The following GNPAT variants were observed in gnomAD, a reference collection of about 807,000 sequenced individuals.
GNPAT encodes the protein dihydroxyacetone phosphate acyltransferase.
Under a neutral mutation model 78.4 loss-of-function variants are expected in GNPAT, and 30 were observed. The observed-to-expected ratio is 0.38, with a 90% CI of 0.29 to 0.52. GNPAT has a LOEUF of 0.52. Ranked by LOEUF, GNPAT falls within the 20% of genes least tolerant of loss-of-function variation. The probability of loss-of-function intolerance (pLI) is 0.84; values close to 1 mark genes in which losing one functional copy is unlikely to be tolerated. For synonymous variants in GNPAT, 271 were observed against 281.1 expected, an observed-to-expected ratio of 0.96 and a Z score of 0.36; for missense variants, 714 against 812.2, an observed-to-expected ratio of 0.88 and a Z score of 1.47.
chr1:231,260,700 A>T lies in GNPAT; in HGVS notation c.438+17A>T, dbSNP rs773687099. ...ATTCAGAAAGTGAGTATTGATTATT[A>T]AAAAAATAAAGAAATAAAAGTCTCA... On this transcript the variant is annotated intron_variant, in intron 3 of 15. Transcript: ENST00000366647. 4.8e-6 allele frequency: 7 copies of T among 1,468,740 alleles called. No individual in the cohort carries two copies. The highest frequency in any genetic ancestry group is 1.7e-5 in the Admixed American group (1 of 59,134). The allele number at this position is 1,468,740 out of a possible 1,614,324, so 91.0% of individuals were successfully genotyped here.
intron 1 of GNPAT, 106 bp downstream of exon 1, chr1:231,241,562 C>A: frequency 2.4e-6 from 2 of 832,614 alleles, no homozygotes; most frequent in Non-Finnish European, 4.1e-6. Context: ...AAAGAGCTGG[C>A]CCCTAGGCTC....
intron 12 of GNPAT, 108 bp downstream of exon 12, chr1:231,274,170 A>G: frequency 1.0e-6 from 1 of 956,306 alleles, no homozygotes. Context: ...TTCCCCAGGC[A>G]AATGGAAGAA....
intron 2 of GNPAT, chr1:231,258,320 C>G (rs1041454417): frequency 6.6e-6 from 1 of 152,260 alleles, no homozygotes; most frequent in Non-Finnish European, 1.5e-5. Context: ...GTGAGTTATA[C>G]AGATCCACAT....
At chr1:231,242,993 G>C (rs1478397024) in intron 1 of GNPAT, among the ~76,000 whole-genome samples, 1 of 152,202 alleles carries the variant, frequency 6.6e-6, no homozygotes, top group Non-Finnish European at 1.5e-5. Flanking sequence ...CAGCTACGCT[G>C]TTATTGTGTA....
Position 231,250,978 on chromosome 1 carries a change from G to T in GNPAT, c.96G>T (p.Trp32Cys). The change falls in exon 2 of 16, where the codon TGG becomes TGT. Residue 32 changes from tryptophan to cysteine, a missense_variant. Transcript: ENST00000366647. ...ATCCACAGAAGGAGCTCAAAAAGTG[G>T]GATGAGTTTGAAGATATTTTAGAAG... ...VLLYSKELKKWDEFEDILEER... is the reference protein window; with the variant it reads ...VLLYSKELKKCDEFEDILEER... 1 of 1,610,844 alleles carries T rather than the reference G, an allele frequency of 6.2e-7. No homozygotes were observed. The highest frequency in any genetic ancestry group is 8.5e-7 in the Non-Finnish European group (1 of 1,177,464).
intron 2 of GNPAT, 142 bp downstream of exon 2, chr1:231,251,285 G>C (rs994832995): frequency 1.7e-6 from 1 of 605,876 alleles, no homozygotes; most frequent in Non-Finnish European, 2.9e-6. Flanking sequence ...CTGTATCCGT[G>C]TGTGTTAGCC....
At chr1:231,248,952 C>G (rs1684821299) in intron 1 of GNPAT, among the ~76,000 whole-genome samples, 1 of 152,172 alleles carries the variant, frequency 6.6e-6, no homozygotes, top group African/African-American at 2.4e-5. Context: ...GATGTTTGTA[C>G]AATGATGAAA....
chr1:231,274,717 C>T (rs1190995316), intron 12 of GNPAT, among the ~76,000 whole-genome samples: 1 of 152,180 alleles, frequency 6.6e-6, no homozygotes, highest in Non-Finnish European at 1.5e-5. Flanking sequence ...CCTGGACCCA[C>T]TTCCTGGTGC....
At chr1:231,270,029 A>G (rs1323251333) in intron 9 of GNPAT, 3 of 153,248 alleles carry the variant, frequency 2.0e-5, no homozygotes, top group Non-Finnish European at 2.9e-5. Context: ...TTGAAGCAGT[A>G]GCAGAACTTG....
At chr1:231,276,735 G>A (rs143096194) in intron 15 of GNPAT, among the ~76,000 whole-genome samples, 1,685 of 152,300 alleles carry the variant, frequency 0.011, 22 homozygotes, top group Middle Eastern at 0.054. Context: ...TGACATAAGA[G>A]TCCTTGAGTG....
Position 231,243,426 on chromosome 1 carries a change from C to A in GNPAT, c.78+1970C>A, listed in dbSNP as rs148620277. ...GCAACCTCCATCTCCGGGGCTCAAG[C>A]GATTCTCCTGCCTCAGCCTCCCGAG... On this transcript the variant is annotated intron_variant, in intron 1 of 15. Transcript: ENST00000366647. Among the ~76,000 whole-genome samples the A allele has an allele frequency of 4.2e-3, 639 of 152,100 alleles. 3 individuals carry two copies. Among genetic ancestry groups the A allele is most frequent in the African/African-American group, 0.015 (602 of 41,462 alleles).
intron 9 of GNPAT, chr1:231,269,757 AG>A (rs1341665037): frequency 6.6e-6 from 1 of 152,198 alleles, no homozygotes; most frequent in Non-Finnish European, 1.5e-5. Context: ...GTTTTTCTAA[AG>A]TGTTTTGCTT....
Position 231,260,466 on chromosome 1 carries a change from A to G in GNPAT, c.262-41A>G, listed in dbSNP as rs115603128. The G allele has an allele frequency of 0.01, 14,406 of 1,399,934 alleles. 110 individuals carry two copies. The highest frequency in any genetic ancestry group is 0.012 in the South Asian group (1,017 of 86,798). 86.7% of individuals were successfully genotyped at this position (1,399,934 alleles called of 1,614,324 possible). On this transcript the variant is annotated intron_variant, in intron 2 of 15. Transcript: ENST00000366647. ...AGTAAAGCTTTCTGACTTTTCTGTT[A>G]TTGTTGTTAGAAATTATTCCTGCTT...
Position 231,265,794 on chromosome 1 carries a change from C to T in GNPAT, c.772+7C>T. 5 of 1,546,356 alleles carry T rather than the reference C, an allele frequency of 3.2e-6. No homozygotes were observed. Among genetic ancestry groups the T allele is most frequent in the Non-Finnish European group, 4.5e-6 (5 of 1,118,276 alleles). ...ACATTGACTCCTAAATTTGGTAGGT[C>T]ACTACAGATTAAAAGGAAAAATACA... On this transcript the variant is annotated splice_region_variant and intron_variant, in intron 6 of 15. Coordinates refer to ENST00000366647, the MANE Select transcript of GNPAT (RefSeq NM_014236.4).
intron 1 of GNPAT, among the ~76,000 whole-genome samples, chr1:231,245,654 A>C (rs1684726699): frequency 6.6e-6 from 1 of 152,208 alleles, no homozygotes; most frequent in Non-Finnish European, 1.5e-5. Context: ...TTGTGAGCCC[A>C]TTCTTAAAAC....
In GNPAT at chr1:231,265,720, T is replaced by C. The variant is rs750632636; in HGVS notation, c.705T>C (p.Tyr235=). Residue 235 remains tyrosine, a synonymous_variant, in exon 6 of 16, where the codon TAT becomes TAC. Coordinates refer to ENST00000366647, the MANE Select transcript of GNPAT (RefSeq NM_014236.4). ...EYVKTMLRNG[Y]APVEFFLEGT... ...TTGTTTTCTCTTTAAAGAATGGTTA[T>C]GCTCCTGTTGAATTTTTCCTCGAAG... The C allele has an allele frequency of 1.3e-5, 20 of 1,587,422 alleles. No individual in the cohort carries two copies. In the South Asian group the frequency reaches 2.1e-4, roughly 17 times the overall value.
intron 1 of GNPAT, among the ~76,000 whole-genome samples, chr1:231,242,393 C>T (rs1684637442): frequency 6.6e-6 from 1 of 152,154 alleles, no homozygotes; most frequent in East Asian, 1.9e-4. Flanking sequence ...CACAGCAGAG[C>T]AAGATAAACA....
intron 2 of GNPAT, 100 bp downstream of exon 2, chr1:231,251,243 G>A: frequency 1.4e-6 from 1 of 708,502 alleles, no homozygotes; most frequent in South Asian, 1.8e-5. Context: ...CTTTTAGGCT[G>A]AGCTGTATTC....
chr1:231,251,178 G>C (rs777567841), intron 2 of GNPAT, 35 bp downstream of exon 2: 3 of 1,302,830 alleles, frequency 2.3e-6, no homozygotes, highest in Non-Finnish European at 3.2e-6. Flanking sequence ...GGCCAGATTT[G>C]TTCATTGTCA....
Sources: gnomAD v4.1 joint callset for allele counts (sites outside exome capture counted in the v4.1 genomes callset) on GRCh38, gnomAD v4.1.1 for gene constraint, MANE v1.5 for transcripts, NCBI Gene and HGNC (gene_info 2026-07-23, HGNC 2026-07-21) for gene names.